CADPS: variants seen among roughly 807,000 people sequenced by gnomAD.
CADPS encodes the protein calcium-dependent secretion activator 1.
A neutral mutation model predicts 167.3 loss-of-function variants in CADPS; 57 were observed. The ratio of observed to expected loss-of-function variants is 0.34; its 90% CI spans 0.28 to 0.42. The LOEUF (loss-of-function observed/expected upper bound fraction) is 0.42, where lower values mean the gene tolerates loss of function less well. Among genes scored for constraint, CADPS ranks in the 20% least tolerant of loss-of-function variants. The pLI is 1.00. For synonymous variants in CADPS, 676 were observed against 635.3 expected, an observed-to-expected ratio of 1.06 and a Z score of -0.96; for missense variants, 1,414 against 1,738.1, an observed-to-expected ratio of 0.81 and a Z score of 3.32.
At chr3:62,519,009 CTG>C (rs2069729116) in intron 13 of CADPS, among the ~76,000 whole-genome samples, 2 of 152,288 alleles carry the variant, frequency 1.3e-5, no homozygotes, top group South Asian at 4.1e-4. Flanking sequence ...TCTCATGGTT[CTG>C]TGTCATCTTT....
chr3:62,503,325 T>G (rs1031392513), intron 17 of CADPS, among the ~76,000 whole-genome samples: 3 of 152,254 alleles, frequency 2.0e-5, no homozygotes, highest in African/African-American at 7.2e-5. Context: ...CTTGAACCTC[T>G]CTGTGCTTTA....
intron 3 of CADPS, among the ~76,000 whole-genome samples, chr3:62,745,247 A>AT (rs774286727): frequency 1.8e-4 from 28 of 151,814 alleles, no homozygotes; most frequent in Non-Finnish European, 3.7e-4. Flanking sequence ...ATTTTGTATT[A>AT]TTTTTTGTAG....
At chr3:62,615,139 G>A (rs1562926571) in intron 6 of CADPS, among the ~76,000 whole-genome samples, 1 of 152,180 alleles carries the variant, frequency 6.6e-6, no homozygotes, top group Non-Finnish European at 1.5e-5. Context: ...GATGATGGAT[G>A]TGGTATTGAA....
chr3:62,416,329 C>T lies in CADPS; in HGVS notation c.3778-13144G>A, dbSNP rs2050055795. Among the ~76,000 whole-genome samples the T allele has an allele frequency of 2.0e-5, 3 of 152,230 alleles. No individual in the cohort carries two copies. The South Asian group carries it at 6.2e-4, about 32-fold the overall frequency. ...AATGCTCATGAGAGCAAAACTATTG[C>T]TGATACTACTCAATTACCATAGTAA... On this transcript the variant is annotated intron_variant, in intron 28 of 29. Coordinates refer to ENST00000383710, the MANE Select transcript of CADPS (RefSeq NM_003716.4).
At chr3:62,630,345 A>G (rs1023852001) in intron 6 of CADPS, among the ~76,000 whole-genome samples, 2 of 151,968 alleles carry the variant, frequency 1.3e-5, no homozygotes, top group Non-Finnish European at 2.9e-5. Context: ...AGCCTCTTTT[A>G]TTTTATTTTC....
Position 62,614,047 on chromosome 3 carries a change from T to C in CADPS, c.1326-21299A>G, listed in dbSNP as rs540391848. Among the ~76,000 whole-genome samples, 16 of 152,280 alleles carry C rather than the reference T, an allele frequency of 1.1e-4. No individual in the cohort carries two copies. In the South Asian group the frequency reaches 2.7e-3, roughly 26 times the overall value. On this transcript the variant is annotated intron_variant, in intron 6 of 29. Transcript: ENST00000383710. ...GGGGAGGGCCTGGGAAAATCTCAGA[T>C]TGTTAAACTCAAGGCTGAGTAAGAT...
intron 13 of CADPS, among the ~76,000 whole-genome samples, chr3:62,524,029 G>A (rs2071402040): frequency 6.6e-6 from 1 of 152,200 alleles, no homozygotes; most frequent in African/African-American, 2.4e-5. Flanking sequence ...GTTCTTTGCA[G>A]TGCTCCCTAA....
intron 1 of CADPS, among the ~76,000 whole-genome samples, chr3:62,815,963 C>A (rs997542372): frequency 6.6e-6 from 1 of 152,098 alleles, no homozygotes; most frequent in Admixed American, 6.6e-5. Flanking sequence ...ATATGAAGAA[C>A]TTGAATGGTT....
At chr3:62,679,882 T>A (rs1050791454) in intron 3 of CADPS, among the ~76,000 whole-genome samples, 1 of 151,856 alleles carries the variant, frequency 6.6e-6, no homozygotes, top group Non-Finnish European at 1.5e-5. Flanking sequence ...ATGCTGAAGG[T>A]AAAAACTGGA....
At chr3:62,614,859 C>T (rs2062018713) in intron 6 of CADPS, among the ~76,000 whole-genome samples, 1 of 152,278 alleles carries the variant, frequency 6.6e-6, no homozygotes, top group Middle Eastern at 3.4e-3. Flanking sequence ...GATAAGTACC[C>T]TCACCCTTCT....
chr3:62,706,673 C>A (rs1048227985), intron 3 of CADPS, among the ~76,000 whole-genome samples: 1 of 152,100 alleles, frequency 6.6e-6, no homozygotes, highest in Admixed American at 6.5e-5. Flanking sequence ...AGAATTAACA[C>A]CCTCATCTTT....
chr3:62,516,689 A>G (rs1293551258), intron 14 of CADPS, 46 bp from the exon 15 acceptor site: 1 of 1,362,084 alleles, frequency 7.3e-7, no homozygotes, highest in South Asian at 1.2e-5. Context: ...ATTACATTTT[A>G]GCATGAAATA....
intron 2 of CADPS, among the ~76,000 whole-genome samples, chr3:62,763,952 A>T (rs1219859346): frequency 6.6e-6 from 1 of 152,216 alleles, no homozygotes; most frequent in East Asian, 1.9e-4. Context: ...ATCACTGTAG[A>T]TGTAATGGTA....
intron 3 of CADPS, among the ~76,000 whole-genome samples, chr3:62,662,685 ACTT>A (rs1207752813): frequency 1.3e-5 from 2 of 152,136 alleles, no homozygotes; most frequent in African/African-American, 4.8e-5. Context: ...ACCAATGCAC[ACTT>A]CTTTTTGGCC....
At chr3:62,677,226 G>C (rs939489852) in intron 3 of CADPS, among the ~76,000 whole-genome samples, 72 of 152,056 alleles carry the variant, frequency 4.7e-4, no homozygotes, top group African/African-American at 1.7e-3. Flanking sequence ...TAAGACAAAA[G>C]GGTCAAGTCT....
intron 3 of CADPS, among the ~76,000 whole-genome samples, chr3:62,699,502 A>T (rs966085146): frequency 6.6e-6 from 1 of 152,162 alleles, no homozygotes; most frequent in Non-Finnish European, 1.5e-5. Flanking sequence ...TCTACTGTAA[A>T]GTCAGAATTA....
At chr3:62,482,203 C>A (rs190912235) in intron 21 of CADPS, among the ~76,000 whole-genome samples, 2 of 152,252 alleles carry the variant, frequency 1.3e-5, no homozygotes, top group Non-Finnish European at 2.9e-5. Context: ...ACTTGAAGTT[C>A]CTGGAATTCT....
At chr3:62,466,222 T>C in intron 25 of CADPS, 117 bp downstream of exon 25, 1 of 683,550 alleles carries the variant, frequency 1.5e-6, no homozygotes. Flanking sequence ...TACAATCTTG[T>C]TTCCTGAGAG....
intron 3 of CADPS, among the ~76,000 whole-genome samples, chr3:62,740,414 G>A (rs962053541): frequency 5.3e-5 from 8 of 152,272 alleles, no homozygotes; most frequent in African/African-American, 1.9e-4. Flanking sequence ...ATGGTAGGGT[G>A]TTTAATTTTA....
Sources: allele counts gnomAD v4.1 joint callset (sites outside exome capture counted in the v4.1 genomes callset), GRCh38; gene constraint gnomAD v4.1.1; transcripts MANE v1.5; gene names NCBI Gene and HGNC (gene_info 2026-07-23, HGNC 2026-07-21).